ZNF564: variants seen among roughly 807,000 people sequenced by gnomAD.
ZNF564 encodes zinc finger protein 564.
Under a neutral mutation model 10.5 loss-of-function variants are expected in ZNF564, and 5 were observed. The ratio of observed to expected loss-of-function variants is 0.48; its 90% CI spans 0.25 to 1.00. The LOEUF is 1.00. ZNF564 is among the 50% of genes least tolerant of loss of function. ZNF564 has a pLI of 0.16. For synonymous variants in ZNF564, 242 were observed against 218.1 expected, an observed-to-expected ratio of 1.11 and a Z score of -0.97; for missense variants, 603 against 669.7, an observed-to-expected ratio of 0.90 and a Z score of 1.10.
intron 1 of ZNF564, among the ~76,000 whole-genome samples, chr19:12,540,108 G>A (rs922192187): frequency 6.6e-6 from 1 of 152,090 alleles, no homozygotes; most frequent in Non-Finnish European, 1.5e-5. Context: ...ATTGACATAG[G>A]GTTGAGTACA....
At chr19:12,542,175 G>A (rs2022066136) in intron 1 of ZNF564, among the ~76,000 whole-genome samples, 1 of 151,632 alleles carries the variant, frequency 6.6e-6, no homozygotes, top group South Asian at 2.1e-4. Context: ...CGGGTATGGT[G>A]GTGGGCGCCT....
intron 2 of ZNF564, 42 bp from the exon 3 acceptor site, chr19:12,528,406 T>C (rs778202605): frequency 6.3e-7 from 1 of 1,581,796 alleles, no homozygotes; most frequent in Admixed American, 2.0e-5. Context: ...CTGATAGACA[T>C]TACAGAAAAA....
chr19:12,527,614 C>A lies in ZNF564; in HGVS notation c.494G>T (p.Gly165Val), dbSNP rs933403756. Reference protein sequence around the residue: ...SFRRHERTHTGEKPYACPECG... With the variant: ...SFRRHERTHTVEKPYACPECG... ...TTCCGGACATGCATAGGGTTTCTCA[C>A]CAGTGTGAGTTCTTTCATGTCTTCG... Residue 165 changes from glycine (G) to valine (V), a missense_variant, in exon 4 of 4, where the codon GGT (glycine) becomes GTT (valine). Transcript: ENST00000339282. The A allele has an allele frequency of 4.3e-6, 7 of 1,614,066 alleles. No individual in the cohort carries two copies. The South Asian group carries it at 4.4e-5, about 10-fold the overall frequency.
intron 1 of ZNF564, among the ~76,000 whole-genome samples, chr19:12,540,043 GC>G (rs1294698102): frequency 4.0e-5 from 6 of 151,800 alleles, no homozygotes; most frequent in Non-Finnish European, 5.9e-5. Flanking sequence ...AATGCCACTT[GC>G]GTAAGATTCA....
At chr19:12,548,515 A>T (rs887866660) in intron 1 of ZNF564, among the ~76,000 whole-genome samples, 1 of 151,870 alleles carries the variant, frequency 6.6e-6, no homozygotes, top group Non-Finnish European at 1.5e-5. Context: ...GTGCCCGGCC[A>T]ATTTTTTGTA....
At chr19:12,551,215 C>CG in intron 1 of ZNF564, 115 bp downstream of exon 1, 2 of 1,254,432 alleles carry the variant, frequency 1.6e-6, no homozygotes, top group Non-Finnish European at 1.1e-6. Context: ...CCAGGGAACT[C>CG]GGGTCCCAGA....
At chr19:12,548,495 G>A (rs2022194684) in intron 1 of ZNF564, among the ~76,000 whole-genome samples, 2 of 152,112 alleles carry the variant, frequency 1.3e-5, no homozygotes, top group African/African-American at 2.4e-5. Context: ...GATTAAAGGC[G>A]TGAGCCACCG....
At position 12,527,281 on chromosome 19, in the gene ZNF564, G is replaced by C. The variant is rs1229871975; in HGVS notation, c.827C>G (p.Thr276Ser). The change falls in exon 4 of 4, where the codon ACT becomes AGT. Residue 276 changes from threonine (T) to serine (S), a missense_variant. Coordinates refer to ENST00000339282, the MANE Select transcript of ZNF564 (RefSeq NM_144976.4). ...TTTACATTCATGGGGTTTCTCTCCAGTATGAGTTCTTTCATGTATTCGAAA... is the reference window on the plus strand; with the variant it reads ...TTTACATTCATGGGGTTTCTCTCCACTATGAGTTCTTTCATGTATTCGAAA... Reference protein sequence around the residue: ...SLFRIHERTHTGEKPHECKQC... With the variant: ...SLFRIHERTHSGEKPHECKQC... The C allele has an allele frequency of 1.9e-6, 3 of 1,614,000 alleles. No homozygotes were observed. In the Admixed American group the frequency reaches 5.0e-5, roughly 27 times the overall value.
At position 12,526,501 on chromosome 19, in the gene ZNF564, T is replaced by C; in HGVS notation, c.1607A>G (p.Asn536Ser). 2 of 1,608,564 alleles carry C rather than the reference T, an allele frequency of 1.2e-6. No homozygotes were observed. The highest frequency in any genetic ancestry group is 2.2e-5 in the East Asian group (1 of 44,838). ...TGTGATAAATGAAAGCTTTCCCACA[T>C]TCTTTACGTAAGGTTTATCTCCATT... Reference protein sequence around the residue: ...AHNGDKPYVKNVGKLSFITQP... With the variant: ...AHNGDKPYVKSVGKLSFITQP... The change falls in exon 4 of 4, where the codon AAT becomes AGT. Residue 536 changes from asparagine to serine, a missense_variant. Physicochemically the swap from Asn to Ser is conservative, Grantham distance 46 (BLOSUM62 1). Coordinates refer to ENST00000339282, the MANE Select transcript of ZNF564 (RefSeq NM_144976.4).
At position 12,525,879 on chromosome 19, in the gene ZNF564, T is replaced by C. The variant is rs1166495854; in HGVS notation, c.*567A>G. 2 of 153,166 alleles carry C rather than the reference T, an allele frequency of 1.3e-5. No homozygotes were observed. The highest frequency in any genetic ancestry group is 2.9e-5 in the Non-Finnish European group (2 of 68,808). 9.5% of individuals were successfully genotyped at this position (153,166 alleles called of 1,614,324 possible). A position where few individuals can be genotyped will look rare whatever the true frequency, so the allele number is the denominator to read the frequency against. ...TCATGGTGAAGGGCAAAGCTAGCTCTCTAGGGATTCCTATCAGGAAACTAA... is the reference window on the plus strand; with the variant it reads ...TCATGGTGAAGGGCAAAGCTAGCTCCCTAGGGATTCCTATCAGGAAACTAA... On this transcript the variant is annotated 3_prime_UTR_variant, in exon 4 of 4. Coordinates refer to ENST00000339282, the MANE Select transcript of ZNF564 (RefSeq NM_144976.4).
intron 1 of ZNF564, among the ~76,000 whole-genome samples, chr19:12,546,870 T>C (rs2022165404): frequency 6.6e-6 from 1 of 152,184 alleles, no homozygotes; most frequent in Non-Finnish European, 1.5e-5. Context: ...TCTCTCCTCC[T>C]TTCAGCCCTG....
Position 12,527,740 on chromosome 19 carries a change from C to A in ZNF564, c.368G>T (p.Arg123Ile). Residue 123 changes from arginine (R) to isoleucine (I), a missense_variant, in exon 4 of 4, where the codon AGA becomes ATA. Physicochemically the swap from Arg to Ile is moderately conservative, Grantham distance 97. Transcript: ENST00000339282. ...MHHSSLSRHI[R>I]SHLGHKPYDY... ...ATATGGTTTGTGTCCAAGGTGAGAT[C>A]TGATGTGCCTACTAAGGGATGAATG... 1.2e-6 allele frequency: 2 copies of A among 1,614,068 alleles called. No individual in the cohort carries two copies. The highest frequency in any genetic ancestry group is 2.2e-5 in the East Asian group (1 of 44,884).
At chr19:12,541,364 A>G (rs1009675061) in intron 1 of ZNF564, 1 of 151,934 alleles carries the variant, frequency 6.6e-6, no homozygotes, top group African/African-American at 2.4e-5. Flanking sequence ...CCTGGCCAAC[A>G]AGGCAAATGC....
intron 1 of ZNF564, among the ~76,000 whole-genome samples, chr19:12,532,261 C>T (rs2021818473): frequency 2.0e-5 from 3 of 151,348 alleles, no homozygotes; most frequent in African/African-American, 2.4e-5. Flanking sequence ...TTTGGCCGGG[C>T]GCGGTGGCTC....
At chr19:12,535,024 A>C (rs2021881632) in intron 1 of ZNF564, among the ~76,000 whole-genome samples, 1 of 152,118 alleles carries the variant, frequency 6.6e-6, no homozygotes, top group Admixed American at 6.6e-5. Context: ...ATTAAATATA[A>C]TCATATGGAT....
chr19:12,528,832 G>C (rs1167209510), intron 1 of ZNF564, 136 bp from the exon 2 acceptor site: 6 of 938,748 alleles, frequency 6.4e-6, no homozygotes, highest in Non-Finnish European at 6.2e-6. Context: ...GGGAGGCCAA[G>C]GCATACAGAT....
chr19:12,539,792 G>A (rs1047627514), intron 1 of ZNF564, among the ~76,000 whole-genome samples: 16 of 151,836 alleles, frequency 1.1e-4, no homozygotes, highest in African/African-American at 2.9e-4. Flanking sequence ...TGGCTAACTC[G>A]GTGAAACCCC....
At chr19:12,537,817 A>C (rs759744385) in intron 1 of ZNF564, among the ~76,000 whole-genome samples, 41 of 152,282 alleles carry the variant, frequency 2.7e-4, no homozygotes, top group Middle Eastern at 3.4e-3. Flanking sequence ...ACAATGTATA[A>C]AAATAACAGA....
At chr19:12,548,966 T>A in intron 1 of ZNF564, 1 of 681,590 alleles carries the variant, frequency 1.5e-6, no homozygotes. Flanking sequence ...TTTCCCTACT[T>A]ATCTGAGATT....
Sources: gnomAD v4.1 joint callset for allele counts (sites outside exome capture counted in the v4.1 genomes callset) on GRCh38, gnomAD v4.1.1 for gene constraint, MANE v1.5 for transcripts, NCBI Gene and HGNC (gene_info 2026-07-23, HGNC 2026-07-21) for gene names.